The following ARHGEF4 variants were observed in gnomAD, a reference collection of about 807,000 sequenced individuals.
ARHGEF4 encodes Rho guanine nucleotide exchange factor 4, also known as APC-stimulated guanine nucleotide exchange factor 1.
In ARHGEF4, 119 loss-of-function variants were observed where a neutral mutation model predicts 162.0. The observed-to-expected ratio is 0.73, with a 90% CI of 0.63 to 0.86. ARHGEF4 has a LOEUF of 0.86. ARHGEF4 is among the 40% of genes least tolerant of loss of function. ARHGEF4 has a pLI of 0.00. For missense variants in ARHGEF4, 2,488 were observed against 2,456.0 expected (o/e 1.01, Z -0.28); for synonymous variants, 1,014 against 979.9 (o/e 1.03, Z -0.65).
At position 131,040,084 on chromosome 2, in the gene ARHGEF4, C is replaced by CGGCGGGGCGGAGGCG. The variant is rs1558892598; in HGVS notation, c.4375_4389dup (p.Gly1459_Ala1463dup). ...TGGCCGGGAACAGCGGAGCGGAGGA[C>CGGCGGGGCGGAGGCG]GGCGGGGCGGAGGCGCAGAGCAGCA... On this transcript the variant is annotated inframe_insertion, in exon 7 of 14. Coordinates refer to ENST00000409359, the MANE Select transcript of ARHGEF4 (RefSeq NM_001367493.1). 6.2e-7 allele frequency: 1 copy of CGGCGGGGCGGAGGCG among 1,605,474 alleles called. No homozygotes were observed.
chr2:130,944,441 A>G (rs978953055), intron 3 of ARHGEF4, among the ~76,000 whole-genome samples: 4 of 152,136 alleles, frequency 2.6e-5, no homozygotes. Flanking sequence ...CTAAAGTTCT[A>G]TTGGGATTTT....
chr2:131,043,363 G>C, intron 10 of ARHGEF4, 89 bp from the exon 11 acceptor site: 2 of 1,561,970 alleles, frequency 1.3e-6, no homozygotes, highest in South Asian at 2.3e-5. Flanking sequence ...AGGCCAGGGG[G>C]AGGTGCGCCA....
At chr2:130,912,345 TC>T (rs1681237951) in intron 1 of ARHGEF4, among the ~76,000 whole-genome samples, 1 of 152,188 alleles carries the variant, frequency 6.6e-6, no homozygotes, top group Non-Finnish European at 1.5e-5. Context: ...CTCTGGGACG[TC>T]CTGTAACAAC....
intron 3 of ARHGEF4, among the ~76,000 whole-genome samples, chr2:130,934,715 G>A (rs1368945830): frequency 1.3e-5 from 2 of 152,042 alleles, no homozygotes; most frequent in Non-Finnish European, 2.9e-5. Flanking sequence ...GTTAATTTTT[G>A]TATTTTTTGA....
intron 1 of ARHGEF4, among the ~76,000 whole-genome samples, chr2:130,855,373 T>C (rs1437455471): frequency 6.6e-6 from 1 of 152,166 alleles, no homozygotes; most frequent in Non-Finnish European, 1.5e-5. Flanking sequence ...AAAGCTGTTA[T>C]ACTCATGGTT....
intron 1 of ARHGEF4, among the ~76,000 whole-genome samples, chr2:130,839,420 G>A (rs2104846467): frequency 6.6e-6 from 1 of 152,330 alleles, no homozygotes; most frequent in South Asian, 2.1e-4. Flanking sequence ...TAGCCAAGAT[G>A]CAGCTAGTCT....
intron 4 of ARHGEF4, among the ~76,000 whole-genome samples, chr2:131,004,933 A>C (rs1248705811): frequency 6.6e-6 from 1 of 152,172 alleles, no homozygotes; most frequent in African/African-American, 2.4e-5. Flanking sequence ...GTGGAGAAGG[A>C]TAACACCACA....
In ARHGEF4 at chr2:131,041,921, C is replaced by T. The variant is rs1430856746; in HGVS notation, c.5002C>T (p.Gln1668Ter). ...GAACATCGACAAGATTGCTCAGTGG[C>T]AGAGCTCCATAGAGGACTGGGAGGT... is the stretch of plus-strand genomic sequence containing the variant. Reference protein sequence around the residue: ...LENIDKIAQWQSSIEDWEGED... With the variant: ...LENIDKIAQW The change falls in exon 10 of 14, where the codon CAG becomes TAG. Residue 1668 changes from glutamine to a stop codon, truncating the protein, a stop_gained. Coordinates refer to ENST00000409359, the MANE Select transcript of ARHGEF4 (RefSeq NM_001367493.1). LOFTEE classifies it high-confidence loss of function. The T allele has an allele frequency of 6.2e-7, 1 of 1,613,558 alleles. No individual in the cohort carries two copies. The highest frequency in any genetic ancestry group is 8.5e-7 in the Non-Finnish European group (1 of 1,180,018).
At chr2:130,903,284 C>T (rs1361892958) in intron 1 of ARHGEF4, among the ~76,000 whole-genome samples, 1 of 148,266 alleles carries the variant, frequency 6.7e-6, no homozygotes, top group African/African-American at 2.5e-5. Context: ...TTCCCCAAGA[C>T]AGAGTCTCGC....
intron 4 of ARHGEF4, among the ~76,000 whole-genome samples, chr2:131,012,113 G>A (rs1193397983): frequency 6.6e-6 from 1 of 152,170 alleles, no homozygotes; most frequent in Non-Finnish European, 1.5e-5. Flanking sequence ...GCCTGTGGCT[G>A]AGCAGTTTTG....
intron 1 of ARHGEF4, among the ~76,000 whole-genome samples, chr2:130,891,545 A>G (rs1428559309): frequency 1.3e-5 from 2 of 152,190 alleles, no homozygotes; most frequent in Admixed American, 6.5e-5. Context: ...GGTGGTGTAA[A>G]TAACAGAAAT....
chr2:130,935,615 T>C (rs62178894), intron 3 of ARHGEF4, among the ~76,000 whole-genome samples: 5,574 of 152,342 alleles, frequency 0.037, 116 homozygotes, highest in Middle Eastern at 0.075. Flanking sequence ...TTGTGATTTC[T>C]TCTTTTCTTT....
intron 5 of ARHGEF4, chr2:131,035,138 A>C: frequency 1.7e-6 from 2 of 1,191,942 alleles, no homozygotes; most frequent in Non-Finnish European, 2.1e-6. Context: ...GCGCCCGGGA[A>C]CGCCCTGCGC....
intron 5 of ARHGEF4, among the ~76,000 whole-genome samples, chr2:131,033,140 C>A (rs994654754): frequency 6.6e-6 from 1 of 152,122 alleles, no homozygotes; most frequent in Non-Finnish European, 1.5e-5. Context: ...GGTTGTGAGC[C>A]ACCACACCCT....
At chr2:130,954,957 T>C (rs1250256559) in intron 4 of ARHGEF4, among the ~76,000 whole-genome samples, 1 of 107,572 alleles carries the variant, frequency 9.3e-6, no homozygotes, top group African/African-American at 2.5e-5. Flanking sequence ...CTCTGAGGCT[T>C]TGTTCATTTT....
intron 1 of ARHGEF4, among the ~76,000 whole-genome samples, chr2:130,844,299 G>C (rs1286493485): frequency 6.6e-6 from 1 of 152,188 alleles, no homozygotes; most frequent in Non-Finnish European, 1.5e-5. Flanking sequence ...CCCTGGCTCC[G>C]GGACCCTCCA....
intron 4 of ARHGEF4, among the ~76,000 whole-genome samples, chr2:131,010,901 C>T (rs979608065): frequency 6.6e-6 from 1 of 152,106 alleles, no homozygotes; most frequent in Admixed American, 6.5e-5. Flanking sequence ...AAATCAAACT[C>T]GTGTTTATGT....
chr2:130,884,111 A>G (rs1679362231), intron 1 of ARHGEF4, among the ~76,000 whole-genome samples: 1 of 152,068 alleles, frequency 6.6e-6, no homozygotes, highest in Non-Finnish European at 1.5e-5. Context: ...AAAAGGGTGT[A>G]ATGATTTCAC....
intron 4 of ARHGEF4, among the ~76,000 whole-genome samples, chr2:131,017,408 C>T (rs1279398133): frequency 6.6e-6 from 1 of 152,186 alleles, no homozygotes; most frequent in East Asian, 1.9e-4. Flanking sequence ...GAAACACCTC[C>T]TCAATCCCAC....
Sources: gnomAD v4.1 joint callset for allele counts (sites outside exome capture counted in the v4.1 genomes callset) on GRCh38, gnomAD v4.1.1 for gene constraint, MANE v1.5 for transcripts, NCBI Gene and HGNC (gene_info 2026-07-23, HGNC 2026-07-21) for gene names.